The following KCNH8 variants were observed in gnomAD, a reference collection of about 807,000 sequenced individuals.
KCNH8 encodes voltage-gated delayed rectifier potassium channel KCNH8.
Under a neutral mutation model 103.6 loss-of-function variants are expected in KCNH8, and 70 were observed. The observed-to-expected ratio is 0.68, with a 90% CI of 0.56 to 0.82. KCNH8 has a LOEUF of 0.82. Ranked by LOEUF, KCNH8 falls within the 40% of genes least tolerant of loss-of-function variation. The pLI is 0.00. For missense variants in KCNH8, 1,217 were observed against 1,329.9 expected, an observed-to-expected ratio of 0.92 and a Z score of 1.32; for synonymous variants, 498 against 489.4, an observed-to-expected ratio of 1.02 and a Z score of -0.23.
At chr3:19,213,798 G>T (rs1382027662) in intron 1 of KCNH8, among the ~76,000 whole-genome samples, 1 of 152,186 alleles carries the variant, frequency 6.6e-6, no homozygotes, top group Non-Finnish European at 1.5e-5. Flanking sequence ...GGAGGAAAAG[G>T]CTTTGCAGGC....
intron 3 of KCNH8, among the ~76,000 whole-genome samples, chr3:19,317,372 TA>T (rs1396559369): frequency 6.6e-6 from 1 of 151,974 alleles, no homozygotes; most frequent in African/African-American, 2.4e-5. Context: ...ATATAGAACT[TA>T]ATTACTTTTC....
intron 8 of KCNH8, among the ~76,000 whole-genome samples, chr3:19,441,565 A>G (rs2067284601): frequency 6.6e-6 from 1 of 152,234 alleles, no homozygotes; most frequent in African/African-American, 2.4e-5. Context: ...ACCCAGGTGC[A>G]TACTTACTTC....
At chr3:19,227,870 A>G (rs1281956151) in intron 1 of KCNH8, among the ~76,000 whole-genome samples, 1 of 152,194 alleles carries the variant, frequency 6.6e-6, no homozygotes, top group Admixed American at 6.5e-5. Context: ...TGCCTGTGAA[A>G]AGATGTTTCC....
Position 19,448,948 on chromosome 3 carries a change from C to T in KCNH8, c.1376-1158C>T. On this transcript the variant is annotated intron_variant, in intron 8 of 15. Coordinates refer to ENST00000328405, the MANE Select transcript of KCNH8 (RefSeq NM_144633.3). Reference sequence around the variant, plus strand: ...CTCAGTTTCACAGTTCCAGGTGTGTCCAAGGCCTTCTTGGATTATCTGCTG... The same window carrying T: ...CTCAGTTTCACAGTTCCAGGTGTGTTCAAGGCCTTCTTGGATTATCTGCTG... 2.3e-6 allele frequency: 3 copies of T among 1,284,574 alleles called. 1 individual carries two copies. The highest frequency in any genetic ancestry group is 2.5e-5 in the South Asian group (2 of 80,552). 79.6% of individuals were successfully genotyped at this position (1,284,574 alleles called of 1,614,324 possible). A position where few individuals can be genotyped will look rare whatever the true frequency, so the allele number is the denominator to read the frequency against.
At chr3:19,479,646 G>A (rs979412996) in intron 11 of KCNH8, among the ~76,000 whole-genome samples, 1 of 152,130 alleles carries the variant, frequency 6.6e-6, no homozygotes, top group African/African-American at 2.4e-5. Context: ...CTCCAGATGA[G>A]TCTACAAGAG....
chr3:19,192,493 G>A (rs1009576581), intron 1 of KCNH8, among the ~76,000 whole-genome samples: 1 of 151,566 alleles, frequency 6.6e-6, no homozygotes, highest in Admixed American at 6.6e-5. Flanking sequence ...TAATTCAGTT[G>A]AATTTTGATA....
intron 11 of KCNH8, among the ~76,000 whole-genome samples, chr3:19,475,666 C>T (rs918196189): frequency 6.6e-6 from 1 of 152,140 alleles, no homozygotes; most frequent in Non-Finnish European, 1.5e-5. Flanking sequence ...AGAATAATTT[C>T]TCCCCCATGG....
chr3:19,410,767 A>G (rs959772838), intron 7 of KCNH8, among the ~76,000 whole-genome samples: 1 of 151,952 alleles, frequency 6.6e-6, no homozygotes, highest in African/African-American at 2.4e-5. Context: ...GAGGAAATGA[A>G]TAAATTCTTG....
chr3:19,177,185 C>T (rs1456199077), intron 1 of KCNH8, among the ~76,000 whole-genome samples: 2 of 152,052 alleles, frequency 1.3e-5, no homozygotes, highest in African/African-American at 4.8e-5. Context: ...ACAAAAAAGA[C>T]ACTTGTTTTT....
In KCNH8 at chr3:19,499,641, C is replaced by A. The variant is rs572549408; in HGVS notation, c.2041-10722C>A. Among the ~76,000 whole-genome samples, 14 of 152,204 alleles carry A rather than the reference C, an allele frequency of 9.2e-5. No homozygotes were observed. The East Asian group carries it at 1.7e-3, about 19-fold the overall frequency. Reference sequence around the variant, plus strand: ...AGAGTGGGGGCCAATATTCAACATTCTTAAGGAAAAGAATTTTCAACCCAG... The same window carrying A: ...AGAGTGGGGGCCAATATTCAACATTATTAAGGAAAAGAATTTTCAACCCAG... On this transcript the variant is annotated intron_variant, in intron 11 of 15. Coordinates refer to ENST00000328405, the MANE Select transcript of KCNH8 (RefSeq NM_144633.3).
At chr3:19,483,999 A>C (rs1429416589) in intron 11 of KCNH8, among the ~76,000 whole-genome samples, 7 of 152,084 alleles carry the variant, frequency 4.6e-5, no homozygotes, top group Non-Finnish European at 1.0e-4. Context: ...ACTTTTGGTC[A>C]TATAGTCTTT....
chr3:19,482,554 G>A (rs941693562), intron 11 of KCNH8, among the ~76,000 whole-genome samples: 4 of 152,202 alleles, frequency 2.6e-5, no homozygotes, highest in Non-Finnish European at 4.4e-5. Flanking sequence ...AAGAAGTACA[G>A]GTAGTAAACA....
In KCNH8 at chr3:19,350,919, G is replaced by C. The variant is rs555829466; in HGVS notation, c.811+2954G>C. Among the ~76,000 whole-genome samples, 6 of 150,732 alleles carry C rather than the reference G, an allele frequency of 4.0e-5. No individual in the cohort carries two copies. In the South Asian group the frequency reaches 6.3e-4, roughly 16 times the overall value. On this transcript the variant is annotated intron_variant, in intron 5 of 15. Transcript: ENST00000328405. ...GAGAGAAGACGGCTTCAGACAATCGGTAATAACAAACATCTCCAAGCTAAA... is the reference window on the plus strand; with the variant it reads ...GAGAGAAGACGGCTTCAGACAATCGCTAATAACAAACATCTCCAAGCTAAA...
intron 1 of KCNH8, among the ~76,000 whole-genome samples, chr3:19,156,966 C>CTTT (rs765953228): frequency 1.5e-5 from 2 of 130,610 alleles, no homozygotes; most frequent in African/African-American, 3.4e-5. Context: ...GTCTATAAAG[C>CTTT]TTTTTTTTTT....
At chr3:19,346,585 A>C in intron 4 of KCNH8, 1 of 455,920 alleles carries the variant, frequency 2.2e-6, no homozygotes, top group Non-Finnish European at 4.4e-6. Flanking sequence ...AGAACTATTC[A>C]ATCACTGACA....
chr3:19,181,896 G>A lies in KCNH8; in HGVS notation c.76+33101G>A, dbSNP rs535589589. Among the ~76,000 whole-genome samples the A allele has an allele frequency of 8.1e-4, 124 of 152,198 alleles. 1 individual carries two copies. The highest frequency in any genetic ancestry group is 2.8e-3 in the African/African-American group (116 of 41,538). ...AAGAATAGTAATAAAAATAAAATTA[G>A]GGGCCAATCCTTTTTTCACATACAA... On this transcript the variant is annotated intron_variant, in intron 1 of 15. Transcript: ENST00000328405.
At chr3:19,350,579 G>A (rs1409764795) in intron 5 of KCNH8, among the ~76,000 whole-genome samples, 1 of 152,134 alleles carries the variant, frequency 6.6e-6, no homozygotes, top group Admixed American at 6.5e-5. Context: ...AATATTTGCT[G>A]TTCTGCAGCC....
chr3:19,254,318 C>CA (rs1191833550), intron 2 of KCNH8, among the ~76,000 whole-genome samples: 1 of 151,502 alleles, frequency 6.6e-6, no homozygotes, highest in Admixed American at 6.6e-5. Context: ...GTGTTCCCTG[C>CA]AAAAAAGGAA....
chr3:19,522,181 T>A (rs896129755), intron 15 of KCNH8, among the ~76,000 whole-genome samples: 2 of 151,594 alleles, frequency 1.3e-5, no homozygotes, highest in African/African-American at 2.4e-5. Flanking sequence ...AAAAAAAAAA[T>A]GAGCTTTGTA....
Sources: allele counts gnomAD v4.1 joint callset (sites outside exome capture counted in the v4.1 genomes callset), GRCh38; gene constraint gnomAD v4.1.1; transcripts MANE v1.5; gene names NCBI Gene and HGNC (gene_info 2026-07-23, HGNC 2026-07-21).